Variants in FLVCR2 observed in about 807,000 individuals in gnomAD.
FLVCR2 encodes choline/ethanolamine transporter FLVCR2.
A neutral mutation model predicts 48.9 loss-of-function variants in FLVCR2; 38 were observed. That is an observed-to-expected ratio of 0.78 (90% CI 0.60 to 1.02). The LOEUF (loss-of-function observed/expected upper bound fraction) is 1.02. Among genes scored for constraint, FLVCR2 ranks in the 50% least tolerant of loss-of-function variants. FLVCR2 has a pLI of 0.00. For missense variants in FLVCR2, 664 were observed against 663.3 expected (o/e 1.00, Z -0.01); for synonymous variants, 255 against 257.0 (o/e 0.99, Z 0.07).
chr14:75,593,633 A>G (rs1189311898), intron 1 of FLVCR2, among the ~76,000 whole-genome samples: 1 of 152,122 alleles, frequency 6.6e-6, no homozygotes, highest in African/African-American at 2.4e-5. Flanking sequence ...ACCTCCCAAC[A>G]CCACCCCATT....
intron 3 of FLVCR2, chr14:75,632,775 G>A: frequency 4.3e-6 from 3 of 702,122 alleles, no homozygotes; most frequent in South Asian, 3.0e-5. Context: ...GCATTATGGA[G>A]TGGCAGTACT....
In FLVCR2 at chr14:75,579,433, C is replaced by T; in HGVS notation, c.461C>T (p.Ala154Val). 8.1e-6 allele frequency: 13 copies of T among 1,614,010 alleles called. No homozygotes were observed. The highest frequency in any genetic ancestry group is 1.1e-5 in the Non-Finnish European group (13 of 1,180,022). Residue 154 changes from alanine (A) to valine (V), a missense_variant, in exon 1 of 10, where the codon GCT (alanine) becomes GTT (valine). Physicochemically the swap from Ala to Val is moderately conservative, Grantham distance 64. Transcript: ENST00000238667. ...GAGAAGTTCGGCCTGCGCACCATTG[C>T]TCTCACTGGCTCGGCTCTCAACTGC... is the stretch of plus-strand genomic sequence containing the variant. ...LLEKFGLRTI[A>V]LTGSALNCLG...
At chr14:75,631,925 T>C (rs937731180) in intron 3 of FLVCR2, 20 of 445,110 alleles carry the variant, frequency 4.5e-5, no homozygotes, top group South Asian at 2.3e-4. Context: ...GTAGTGATGT[T>C]TGGGGACATG....
chr14:75,631,644 T>G (rs1253732251), intron 3 of FLVCR2: 1 of 398,248 alleles, frequency 2.5e-6, no homozygotes, highest in African/African-American at 2.1e-5. Flanking sequence ...GAACATTCCT[T>G]GCCCTTTGCA....
At chr14:75,605,385 G>T in intron 1 of FLVCR2, 1 of 1,315,404 alleles carries the variant, frequency 7.6e-7, no homozygotes. Context: ...TGATTCTACA[G>T]AGCTAAGGGC....
chr14:75,594,935 C>G (rs1888981370), intron 1 of FLVCR2, among the ~76,000 whole-genome samples: 1 of 152,086 alleles, frequency 6.6e-6, no homozygotes, highest in Admixed American at 6.5e-5. Flanking sequence ...GCAGGCTGGT[C>G]TTGAACTTCT....
rs1228279152 is a variant in FLVCR2, at chr14:75,641,875, G to A, written c.1486G>A (p.Ala496Thr). ...FIKADLRRQK[A>T]NKETLENKLQ... ...TAAGGCAGATCTCCGGAGACAGAAA[G>A]CAAACAAAGAAACTCTTGAGAACGT... The change falls in exon 9 of 10, where the codon GCA becomes ACA. Residue 496 changes from alanine to threonine, a missense_variant. Transcript: ENST00000238667. 9 of 1,614,052 alleles carry A rather than the reference G, an allele frequency of 5.6e-6. No individual in the cohort carries two copies. Among genetic ancestry groups the A allele is most frequent in the African/African-American group, 2.7e-5 (2 of 74,930 alleles).
chr14:75,589,527 C>T (rs143039359), intron 1 of FLVCR2, among the ~76,000 whole-genome samples: 148 of 152,308 alleles, frequency 9.7e-4, no homozygotes, highest in Middle Eastern at 3.4e-3. Context: ...GTTGGAGTCT[C>T]ATGCCTGCAG....
chr14:75,630,793 T>A (rs1283985898), intron 3 of FLVCR2, among the ~76,000 whole-genome samples: 1 of 152,144 alleles, frequency 6.6e-6, no homozygotes, highest in Non-Finnish European at 1.5e-5. Context: ...CCTCAGTAAG[T>A]GGCACTACTC....
At chr14:75,624,851 G>T in intron 3 of FLVCR2, 99 bp downstream of exon 3, 1 of 1,445,504 alleles carries the variant, frequency 6.9e-7, no homozygotes, top group Non-Finnish European at 9.6e-7. Flanking sequence ...TCCCAAATGT[G>T]CATGTAAAGC....
At chr14:75,589,063 A>T in intron 1 of FLVCR2, among the ~76,000 whole-genome samples, 1 of 152,064 alleles carries the variant, frequency 6.6e-6, no homozygotes, top group Non-Finnish European at 1.5e-5. Context: ...TTTTTTTAAA[A>T]AAAGAAGCTG....
chr14:75,583,711 A>C (rs1423475496), intron 1 of FLVCR2, among the ~76,000 whole-genome samples: 1 of 152,196 alleles, frequency 6.6e-6, no homozygotes, highest in Non-Finnish European at 1.5e-5. Flanking sequence ...ATGTTGTCCA[A>C]GTTGGCACCA....
chr14:75,615,895 C>T (rs1279479106), intron 1 of FLVCR2, among the ~76,000 whole-genome samples: 8 of 149,796 alleles, frequency 5.3e-5, no homozygotes, highest in African/African-American at 9.8e-5. Flanking sequence ...GATGTGGTGG[C>T]GGGAACCTGT....
At chr14:75,622,049 CTG>C (rs1889780176) in intron 1 of FLVCR2, 28 bp from the exon 2 acceptor site, 4 of 1,613,608 alleles carry the variant, frequency 2.5e-6, no homozygotes, top group South Asian at 1.1e-5. Context: ...CCATTGGTAA[CTG>C]TGATTGGGTT....
At chr14:75,636,006 G>A (rs1275571845) in intron 5 of FLVCR2, among the ~76,000 whole-genome samples, 4 of 152,196 alleles carry the variant, frequency 2.6e-5, no homozygotes, top group African/African-American at 9.7e-5. Flanking sequence ...TTCAGCAGCT[G>A]GCCTTGGAGA....
At chr14:75,631,702 G>C (rs975800783) in intron 3 of FLVCR2, 5 of 453,002 alleles carry the variant, frequency 1.1e-5, no homozygotes, top group Admixed American at 9.4e-5. Context: ...CGGGAGGAAT[G>C]AATGGGAAGA....
At chr14:75,588,730 C>G (rs1196682441) in intron 1 of FLVCR2, among the ~76,000 whole-genome samples, 1 of 152,160 alleles carries the variant, frequency 6.6e-6, no homozygotes, top group African/African-American at 2.4e-5. Context: ...CCCCCTGCCT[C>G]GGCCTCCCAA....
intron 8 of FLVCR2, 59 bp downstream of exon 8, chr14:75,641,352 C>A: frequency 3.7e-6 from 4 of 1,084,960 alleles, no homozygotes; most frequent in Non-Finnish European, 5.7e-6. Context: ...ACCCTAGTGT[C>A]TCGATGGAGC....
intron 5 of FLVCR2, among the ~76,000 whole-genome samples, chr14:75,638,298 A>C (rs1030230598): frequency 6.6e-6 from 1 of 152,026 alleles, no homozygotes; most frequent in Non-Finnish European, 1.5e-5. Context: ...TTAGCCACGT[A>C]TGGTGGCGCA....
Sources: gnomAD v4.1 joint callset for allele counts (sites outside exome capture counted in the v4.1 genomes callset) on GRCh38, gnomAD v4.1.1 for gene constraint, MANE v1.5 for transcripts, NCBI Gene and HGNC (gene_info 2026-07-23, HGNC 2026-07-21) for gene names.